ZNF652: variants seen among roughly 807,000 people sequenced by gnomAD.
ZNF652 encodes the protein zinc finger protein 652.
In ZNF652, 16 loss-of-function variants were observed where a neutral mutation model predicts 45.2. The observed-to-expected ratio is 0.35, with a 90% CI of 0.24 to 0.54. The LOEUF (loss-of-function observed/expected upper bound fraction) is 0.54. Among genes scored for constraint, ZNF652 ranks in the 20% least tolerant of loss-of-function variants. ZNF652 has a pLI of 0.91. For synonymous variants in ZNF652, 250 were observed against 260.6 expected, an observed-to-expected ratio of 0.96 and a Z score of 0.39; for missense variants, 614 against 765.6, an observed-to-expected ratio of 0.80 and a Z score of 2.34.
At chr17:49,362,254 G>A (rs1483850328), upstream of ZNF652, 1 of 149,778 alleles carries the variant, frequency 6.7e-6, no homozygotes, top group African/African-American at 2.4e-5. Flanking sequence ...GGCGAGCGGC[G>A]GCGAGGACGC....
rs781412552 is a variant in ZNF652 at position 49,296,409 on chromosome 17, T to G, written c.*2004A>C. The G allele has an allele frequency of 2.6e-5, 4 of 152,552 alleles. No homozygotes were observed. The highest frequency in any genetic ancestry group is 5.9e-5 in the Non-Finnish European group (4 of 68,016). The allele number at this position is 152,552 out of a possible 1,614,324, so 9.4% of individuals were successfully genotyped here. On this transcript the variant is annotated 3_prime_UTR_variant, in exon 6 of 6. Coordinates refer to ENST00000430262, the MANE Select transcript of ZNF652 (RefSeq NM_001145365.3). ...TGAAAAATATGGACTTAATCTCAAT[T>G]GAAAGAGTTCATTTTTTCTTACCAC...
In ZNF652 at chr17:49,298,326, A is replaced by G; in HGVS notation, c.*87T>C. On this transcript the variant is annotated 3_prime_UTR_variant, in exon 6 of 6. Coordinates refer to ENST00000430262, the MANE Select transcript of ZNF652 (RefSeq NM_001145365.3). ...CTTGGTAGAGGCGGAGGAGAGTCTG[A>G]GAACTAAGGAAATGCTCACCGACTC... is the stretch of plus-strand genomic sequence containing the variant. 3.3e-6 allele frequency: 5 copies of G among 1,527,514 alleles called. No individual in the cohort carries two copies. The highest frequency in any genetic ancestry group is 4.4e-6 in the Non-Finnish European group (5 of 1,125,536). 94.6% of individuals were successfully genotyped at this position (1,527,514 alleles called of 1,614,324 possible).
At chr17:49,355,775 G>A (rs2070329877) in intron 1 of ZNF652, among the ~76,000 whole-genome samples, 1 of 152,020 alleles carries the variant, frequency 6.6e-6, no homozygotes, top group South Asian at 2.1e-4. Context: ...GCGGGCACCT[G>A]TAATCCCAGC....
intron 1 of ZNF652, among the ~76,000 whole-genome samples, chr17:49,336,841 C>T (rs375800548): frequency 1.4e-4 from 21 of 150,726 alleles, no homozygotes; most frequent in Non-Finnish European, 2.1e-4. Flanking sequence ...TGTTGGATCA[C>T]GAGGTCAGGA....
chr17:49,326,034 A>G (rs1286577599), intron 1 of ZNF652, among the ~76,000 whole-genome samples: 1 of 152,142 alleles, frequency 6.6e-6, no homozygotes, highest in Non-Finnish European at 1.5e-5. Context: ...TCGGAAAAGC[A>G]TATATGGCAG....
rs540396363 is a variant in ZNF652 at position 49,311,822 on chromosome 17, A to G, written c.1164+105T>C. The G allele has an allele frequency of 9.5e-5, 88 of 926,332 alleles. 1 individual carries two copies. The South Asian group carries it at 1.5e-3, about 16-fold the overall frequency. The allele number at this position is 926,332 out of a possible 1,614,324, so 57.4% of individuals were successfully genotyped here. On this transcript the variant is annotated intron_variant, in intron 4 of 5. Transcript: ENST00000430262. ...AACACATGTCTGAAAGTTCTGTGGA[A>G]GGCAGCCTTGTGCCTCCTGCTCCAG... is the stretch of plus-strand genomic sequence containing the variant.
intron 1 of ZNF652, among the ~76,000 whole-genome samples, chr17:49,343,485 C>T (rs1233822860): frequency 6.6e-6 from 1 of 152,080 alleles, no homozygotes; most frequent in Non-Finnish European, 1.5e-5. Context: ...GGCTTGCAGA[C>T]AAATGAGTAG....
intron 5 of ZNF652, among the ~76,000 whole-genome samples, chr17:49,308,801 CAA>C (rs79308997): frequency 1.5e-4 from 13 of 85,310 alleles, no homozygotes; most frequent in African/African-American, 1.3e-4. Context: ...TAGTCCGTCT[CAA>C]AAAAAAAAAA....
Position 49,317,047 on chromosome 17 carries a change from T to A in ZNF652, c.679A>T (p.Thr227Ser). The A allele has an allele frequency of 6.2e-7, 1 of 1,614,236 alleles. No homozygotes were observed. Among genetic ancestry groups the A allele is most frequent in the South Asian group, 1.1e-5 (1 of 91,084 alleles). The change falls in exon 2 of 6, where the codon ACA becomes TCA. Residue 227 changes from threonine to serine, a missense_variant. Physicochemically the swap from Thr to Ser is moderately conservative, Grantham distance 58. This residue lies in a region of ZNF652 where 262 missense variants were observed against 306.3 expected (regional missense o/e 0.86). Coordinates refer to ENST00000430262, the MANE Select transcript of ZNF652 (RefSeq NM_001145365.3). The part of the protein sequence containing the change: ...VEPPKRKKRA[T>S]KEPKAPVQKA... ...TGGACTGGTGCTTTGGGCTCCTTTG[T>A]GGCCCGCTTCTTACGCTTAGGTGGC...
chr17:49,342,987 T>C (rs2070165915), intron 1 of ZNF652, among the ~76,000 whole-genome samples: 2 of 151,972 alleles, frequency 1.3e-5, no homozygotes, highest in South Asian at 4.1e-4. Context: ...GTTCAAGCGA[T>C]TCTCCTGCCT....
Position 49,298,520 on chromosome 17 carries a change from G to GC in ZNF652, c.1713dup (p.Pro572AlafsTer7), listed in dbSNP as rs1167600067. On this transcript the variant is annotated frameshift_variant, in exon 6 of 6. Transcript: ENST00000430262. LOFTEE classifies it high-confidence loss of function. Reference sequence around the variant, plus strand: ...TCACTCTTAAAGAGAGCTGGAGGTGGCGGGAGGTGAGGGACTGGAGGGATG... The same window carrying GC: ...TCACTCTTAAAGAGAGCTGGAGGTGGCCGGGAGGTGAGGGACTGGAGGGATG... The GC allele has an allele frequency of 6.2e-7, 1 of 1,612,820 alleles. No homozygotes were observed. The highest frequency in any genetic ancestry group is 1.7e-5 in the Admixed American group (1 of 59,890).
Position 49,295,097 on chromosome 17 carries a change from G to A in ZNF652, c.*3316C>T, listed in dbSNP as rs1195463296. ...TCTTCTATTCAGAAGCATTAATGTT[G>A]TGAATATTCTTTTTTTTTTTTTTTT... On this transcript the variant is annotated 3_prime_UTR_variant, in exon 6 of 6. Coordinates refer to ENST00000430262, the MANE Select transcript of ZNF652 (RefSeq NM_001145365.3). The A allele has an allele frequency of 6.7e-6, 1 of 148,988 alleles. No individual in the cohort carries two copies. Among genetic ancestry groups the A allele is most frequent in the Non-Finnish European group, 1.5e-5 (1 of 67,758 alleles). 9.2% of individuals were successfully genotyped at this position (148,988 alleles called of 1,614,324 possible).
chr17:49,304,697 A>C (rs2143728960), intron 5 of ZNF652, among the ~76,000 whole-genome samples: 1 of 152,274 alleles, frequency 6.6e-6, no homozygotes, highest in Middle Eastern at 3.4e-3. Flanking sequence ...ATTGTACAGC[A>C]ATGTAATGAG....
chr17:49,353,478 T>A (rs1227703131), intron 1 of ZNF652, among the ~76,000 whole-genome samples: 2 of 152,144 alleles, frequency 1.3e-5, no homozygotes, highest in Non-Finnish European at 2.9e-5. Flanking sequence ...ACAAATTCTT[T>A]AAAATTTTTT....
In ZNF652 at chr17:49,316,853, C is replaced by A. The variant is rs761852464; in HGVS notation, c.873G>T (p.Gln291His). 2.2e-5 allele frequency: 35 copies of A among 1,613,176 alleles called. No individual in the cohort carries two copies. Among genetic ancestry groups the A allele is most frequent in the Non-Finnish European group, 3.0e-5 (35 of 1,179,680 alleles). The change falls in exon 2 of 6, where the codon CAG (glutamine) becomes CAT (histidine). Residue 291 changes from glutamine to histidine, a missense_variant. Gln to His is a conservative substitution (Grantham distance 24). Coordinates refer to ENST00000430262, the MANE Select transcript of ZNF652 (RefSeq NM_001145365.3). ...GAATGTTTTTTTCACAGTCTGTTTG[C>A]TGGTGAAGGGACAGCTCACTTTCCA... ...FVLESELSLH[Q>H]QTDCEKNIQC...
At chr17:49,338,850 G>T (rs2070112492) in intron 1 of ZNF652, among the ~76,000 whole-genome samples, 1 of 152,094 alleles carries the variant, frequency 6.6e-6, no homozygotes. Flanking sequence ...GAAGAAAGAA[G>T]AAATTAACAG....
intron 1 of ZNF652, among the ~76,000 whole-genome samples, chr17:49,336,942 GTTTTTT>G (rs200178711): frequency 5.1e-4 from 59 of 115,146 alleles, no homozygotes; most frequent in African/African-American, 1.5e-3. Flanking sequence ...TCTTAATGGT[GTTTTTT>G]TTTTTTTTTT....
At chr17:49,357,649 G>T (rs1411902336) in intron 1 of ZNF652, among the ~76,000 whole-genome samples, 1 of 152,172 alleles carries the variant, frequency 6.6e-6, no homozygotes, top group Non-Finnish European at 1.5e-5. Flanking sequence ...GCACTTTATG[G>T]CTTGCATTAA....
chr17:49,327,853 T>G (rs1598302705), intron 1 of ZNF652, among the ~76,000 whole-genome samples: 1 of 131,106 alleles, frequency 7.6e-6, no homozygotes, highest in East Asian at 2.4e-4. Context: ...CCTGGCCTCA[T>G]GTAATCTGCC....
Sources: gnomAD v4.1 joint callset for allele counts (sites outside exome capture counted in the v4.1 genomes callset) on GRCh38, gnomAD v4.1.1 for gene constraint, gnomAD v4.1.1 regional missense constraint, MANE v1.5 for transcripts, NCBI Gene and HGNC (gene_info 2026-07-23, HGNC 2026-07-21) for gene names.